Variants in SNTG2 observed in about 807,000 individuals in gnomAD.
The protein encoded by SNTG2 is syntrophin gamma 2, also known as gamma-2-syntrophin.
A neutral mutation model predicts 70.9 loss-of-function variants in SNTG2; 74 were observed. The ratio of observed to expected loss-of-function variants is 1.04; its 90% CI spans 0.86 to 1.27. SNTG2 has a LOEUF of 1.27. Ranked by LOEUF, SNTG2 falls within the 50% of genes most tolerant of loss-of-function variation. SNTG2 has a pLI of 0.00. For synonymous variants in SNTG2, 278 were observed against 273.8 expected, an observed-to-expected ratio of 1.02 and a Z score of -0.15; for missense variants, 717 against 690.7, an observed-to-expected ratio of 1.04 and a Z score of -0.43.
chr2:1,111,386 G>A (rs1005341013), intron 4 of SNTG2, among the ~76,000 whole-genome samples: 1 of 152,176 alleles, frequency 6.6e-6, no homozygotes, highest in South Asian at 2.1e-4. Flanking sequence ...GTCAGCGTAC[G>A]GCCGGGCCCC....
At chr2:1,019,181 C>T (rs943961922) in intron 1 of SNTG2, among the ~76,000 whole-genome samples, 1 of 152,096 alleles carries the variant, frequency 6.6e-6, no homozygotes, top group African/African-American at 2.4e-5. Flanking sequence ...TCAAACAGTC[C>T]CCTTTGGCTC....
chr2:1,088,543 G>A (rs1282489309), intron 2 of SNTG2, among the ~76,000 whole-genome samples: 1 of 152,102 alleles, frequency 6.6e-6, no homozygotes, highest in Non-Finnish European at 1.5e-5. Flanking sequence ...TTTACAAATG[G>A]AATACTGCAT....
intron 1 of SNTG2, among the ~76,000 whole-genome samples, chr2:989,123 T>C (rs555249512): frequency 5.3e-5 from 8 of 152,344 alleles, no homozygotes; most frequent in African/African-American, 1.9e-4. Flanking sequence ...TTGTTGGCTT[T>C]ATTTTTAGAT....
chr2:1,121,920 G>A (rs1667404802), intron 4 of SNTG2, among the ~76,000 whole-genome samples: 1 of 152,102 alleles, frequency 6.6e-6, no homozygotes, highest in South Asian at 2.1e-4. Context: ...TAAAAAAAGT[G>A]AAGGCATTAC....
At chr2:1,199,264 T>C (rs925364506) in intron 8 of SNTG2, among the ~76,000 whole-genome samples, 2 of 151,152 alleles carry the variant, frequency 1.3e-5, no homozygotes, top group Admixed American at 6.6e-5. Context: ...CACATCAATA[T>C]AATAAAGAAC....
chr2:1,134,475 C>CGAG, intron 4 of SNTG2, among the ~76,000 whole-genome samples: 1 of 133,902 alleles, frequency 7.5e-6, no homozygotes, highest in African/African-American at 2.5e-5. Context: ...TCCAAGTCTC[C>CGAG]ATCAGGTAGC....
chr2:1,192,213 T>A (rs974354976), intron 8 of SNTG2, among the ~76,000 whole-genome samples: 1 of 152,154 alleles, frequency 6.6e-6, no homozygotes, highest in Admixed American at 6.5e-5. Context: ...GAACGTGGTT[T>A]CCACAAAAGG....
chr2:1,237,305 A>G (rs1350607746), intron 9 of SNTG2, among the ~76,000 whole-genome samples: 1 of 152,224 alleles, frequency 6.6e-6, no homozygotes, highest in Non-Finnish European at 1.5e-5. Context: ...TCTTTTGCAA[A>G]TAGGCATATG....
intron 6 of SNTG2, among the ~76,000 whole-genome samples, chr2:1,153,347 A>G (rs4443029): frequency 0.99 from 150,535 of 152,364 alleles, 74,390 homozygotes; most frequent in Middle Eastern, 1. Flanking sequence ...CCATGCTGGT[A>G]TGCTGCACCC....
At chr2:1,094,975 G>A (rs1665290662) in intron 2 of SNTG2, among the ~76,000 whole-genome samples, 1 of 146,644 alleles carries the variant, frequency 6.8e-6, no homozygotes, top group South Asian at 2.3e-4. Context: ...ATATGGTAGA[G>A]TTACTGGCAA....
intron 14 of SNTG2, among the ~76,000 whole-genome samples, chr2:1,283,031 C>T (rs1261464669): frequency 6.6e-6 from 1 of 152,188 alleles, no homozygotes; most frequent in Non-Finnish European, 1.5e-5. Context: ...CAGAGGATCC[C>T]AGCCTCTGGA....
At chr2:1,070,706 A>G (rs1265858772) in intron 1 of SNTG2, among the ~76,000 whole-genome samples, 3 of 151,972 alleles carry the variant, frequency 2.0e-5, no homozygotes, top group African/African-American at 7.3e-5. Flanking sequence ...TGAGAGTTAC[A>G]TTCATGTTTA....
intron 7 of SNTG2, among the ~76,000 whole-genome samples, chr2:1,168,056 C>A (rs1572628823): frequency 7.4e-6 from 1 of 134,264 alleles, no homozygotes; most frequent in Non-Finnish European, 1.6e-5. Flanking sequence ...AACCTACAGG[C>A]CGCCCACAGA....
At chr2:1,175,913 G>A (rs4971402) in intron 8 of SNTG2, among the ~76,000 whole-genome samples, 37,989 of 152,100 alleles carry the variant, frequency 0.25, 5,270 homozygotes, top group East Asian at 0.44. Context: ...CGACAGTATC[G>A]TTGAAGGGAG....
intron 9 of SNTG2, among the ~76,000 whole-genome samples, chr2:1,228,623 G>T (rs1675963781): frequency 6.6e-6 from 1 of 152,362 alleles, no homozygotes; most frequent in Non-Finnish European, 1.5e-5. Context: ...CGACTTTGGT[G>T]TTGGGTAAAA....
At chr2:1,286,376 T>G (rs997215862) in intron 14 of SNTG2, among the ~76,000 whole-genome samples, 1 of 152,226 alleles carries the variant, frequency 6.6e-6, no homozygotes, top group African/African-American at 2.4e-5. Flanking sequence ...CAAAGTATTG[T>G]CACCTAGTTG....
chr2:1,257,690 T>G (rs1678202289), intron 12 of SNTG2, among the ~76,000 whole-genome samples: 1 of 152,208 alleles, frequency 6.6e-6, no homozygotes, highest in Non-Finnish European at 1.5e-5. Flanking sequence ...CCAGATATAT[T>G]AATCACAGCA....
chr2:1,129,275 G>T (rs1667882260), intron 4 of SNTG2, among the ~76,000 whole-genome samples: 1 of 152,208 alleles, frequency 6.6e-6, no homozygotes. Flanking sequence ...GTTTTAGAAA[G>T]TCACTGGCCT....
Position 950,897 on chromosome 2 carries a change from G to A in SNTG2, c.-100G>A. ...GAGCCGGAGCCGGCAGAGGGGCGCG[G>A]GCGCGGACGCGGCGCCTGGCGGGGC... On this transcript the variant is annotated 5_prime_UTR_variant, in exon 1 of 17. Transcript: ENST00000308624. The A allele has an allele frequency of 2.2e-6, 1 of 460,886 alleles. No homozygotes were observed. 28.5% of individuals were successfully genotyped at this position (460,886 alleles called of 1,614,324 possible). A position where few individuals can be genotyped will look rare whatever the true frequency, so the allele number is the denominator to read the frequency against.
Sources: allele counts gnomAD v4.1 joint callset (sites outside exome capture counted in the v4.1 genomes callset), GRCh38; gene constraint gnomAD v4.1.1; transcripts MANE v1.5; gene names NCBI Gene and HGNC (gene_info 2026-07-23, HGNC 2026-07-21).